Variants in UBE3D observed in about 807,000 individuals in gnomAD.
The protein encoded by UBE3D is E3 ubiquitin-protein ligase E3D.
UBE3D carries 48 observed loss-of-function variants against 49.6 expected under a neutral mutation model. That is an observed-to-expected ratio of 0.97 (90% CI 0.77 to 1.23). The LOEUF (loss-of-function observed/expected upper bound fraction) is 1.23, where lower values mean the gene tolerates loss of function less well. Among genes scored for constraint, UBE3D ranks in the 50% most tolerant of loss-of-function variants. UBE3D has a pLI of 0.00. For missense variants in UBE3D, 452 were observed against 468.4 expected (o/e 0.96, Z 0.32); for synonymous variants, 189 against 174.2 (o/e 1.08, Z -0.67).
At chr6:83,051,739 A>G (rs545626176) in intron 3 of UBE3D, among the ~76,000 whole-genome samples, 1 of 152,336 alleles carries the variant, frequency 6.6e-6, no homozygotes, top group African/African-American at 2.4e-5. Context: ...TTCAACCCTT[A>G]GGTAATTCAA....
At chr6:83,039,490 CAG>C (rs938655784) in intron 4 of UBE3D, among the ~76,000 whole-genome samples, 3 of 152,168 alleles carry the variant, frequency 2.0e-5, no homozygotes, top group African/African-American at 7.2e-5. Flanking sequence ...TAGATTCAGA[CAG>C]AGCTGATGTC....
chr6:83,010,543 T>C (rs756140667), intron 8 of UBE3D, among the ~76,000 whole-genome samples: 4 of 152,144 alleles, frequency 2.6e-5, no homozygotes, highest in Non-Finnish European at 4.4e-5. Flanking sequence ...GCAAATGTAT[T>C]AGTAAGGGTT....
At chr6:82,933,745 C>T (rs767108374) in intron 9 of UBE3D, among the ~76,000 whole-genome samples, 2 of 152,168 alleles carry the variant, frequency 1.3e-5, no homozygotes, top group African/African-American at 2.4e-5. Flanking sequence ...AAAGATTACA[C>T]TAAAAGTCTT....
chr6:82,979,818 C>T (rs1199551157), intron 8 of UBE3D, among the ~76,000 whole-genome samples: 1 of 152,096 alleles, frequency 6.6e-6, no homozygotes, highest in Non-Finnish European at 1.5e-5. Context: ...TTATTTAGCT[C>T]CCACTTGTAA....
intron 9 of UBE3D, among the ~76,000 whole-genome samples, chr6:82,917,255 C>T (rs1354245711): frequency 3.9e-5 from 6 of 152,110 alleles, no homozygotes; most frequent in Non-Finnish European, 8.8e-5. Flanking sequence ...GAAGGCAAGA[C>T]TAGCGCAAAT....
rs1449925912 is a variant in UBE3D, at chr6:83,065,814, G to A, written c.-96C>T. ...GGTTCCACGTGCGGACCAACCAGCG[G>A]CAGCCCCGCTGCGGCGCAGGCGCCT... On this transcript the variant is annotated 5_prime_UTR_variant, in exon 1 of 10. Transcript: ENST00000369747. 1.3e-5 allele frequency: 17 copies of A among 1,296,232 alleles called. No homozygotes were observed. In the Admixed American group the frequency reaches 2.2e-4, roughly 17 times the overall value. 80.3% of individuals were successfully genotyped at this position (1,296,232 alleles called of 1,614,324 possible).
chr6:82,925,004 A>G (rs1166359636), intron 9 of UBE3D: 1 of 152,488 alleles, frequency 6.6e-6, no homozygotes, highest in Non-Finnish European at 1.5e-5. Context: ...CTACAGATTG[A>G]TATTTCCCAA....
At chr6:82,992,034 T>C (rs1410322198) in intron 8 of UBE3D, among the ~76,000 whole-genome samples, 1 of 152,094 alleles carries the variant, frequency 6.6e-6, no homozygotes, top group African/African-American at 2.4e-5. Flanking sequence ...AGTTTAAAGT[T>C]TTTATTACAT....
At chr6:83,041,610 C>A (rs1332818556) in intron 4 of UBE3D, among the ~76,000 whole-genome samples, 1 of 152,078 alleles carries the variant, frequency 6.6e-6, no homozygotes, top group African/African-American at 2.4e-5. Context: ...CTTAATGAAT[C>A]CATATTGAAA....
At chr6:83,065,595 C>CTG (rs1207768570) in intron 1 of UBE3D, 47 bp downstream of exon 1, 1 of 1,587,702 alleles carries the variant, frequency 6.3e-7, no homozygotes, top group South Asian at 1.1e-5. Flanking sequence ...GACCCCCGGG[C>CTG]AGCAGTAAAG....
At chr6:82,882,514 A>G in the UBE3D span, among the ~76,000 whole-genome samples, 4 of 152,124 alleles carry the variant, frequency 2.6e-5, no homozygotes, top group African/African-American at 9.7e-5. Flanking sequence ...CCTTCCACCT[A>G]TGCTTTGTTT....
chr6:82,964,092 C>T (rs1042679925), intron 8 of UBE3D, among the ~76,000 whole-genome samples: 6 of 152,102 alleles, frequency 3.9e-5, no homozygotes, highest in Non-Finnish European at 8.8e-5. Context: ...GTCTAACAGA[C>T]CAAAATACAA....
intron 8 of UBE3D, among the ~76,000 whole-genome samples, chr6:82,985,794 T>C (rs1778444576): frequency 6.6e-6 from 1 of 152,214 alleles, no homozygotes; most frequent in Admixed American, 6.5e-5. Flanking sequence ...CTACATTTCC[T>C]CACTGTTTGA....
At chr6:83,009,131 T>A (rs1266047279) in intron 8 of UBE3D, among the ~76,000 whole-genome samples, 1 of 152,158 alleles carries the variant, frequency 6.6e-6, no homozygotes, top group East Asian at 1.9e-4. Flanking sequence ...AGGTAAAGAT[T>A]CTACATATAA....
chr6:82,941,243 G>A (rs968992403), intron 9 of UBE3D, among the ~76,000 whole-genome samples: 1 of 151,578 alleles, frequency 6.6e-6, no homozygotes, highest in Non-Finnish European at 1.5e-5. Flanking sequence ...TGTCAATACT[G>A]GTTACTCCCA....
chr6:83,044,467 C>T lies in UBE3D; in HGVS notation c.558G>A (p.Val186=). 1 of 1,614,108 alleles carries T rather than the reference C, an allele frequency of 6.2e-7. No homozygotes were observed. The highest frequency in any genetic ancestry group is 8.5e-7 in the Non-Finnish European group (1 of 1,179,984). ...LWQQRPELSP[V]EMCCVSSDNH... ...TGTCAGAAGAAACACAGCACATCTC[C>T]ACTGGGGATAGTTCAGGTCTTTGCT... is the stretch of plus-strand genomic sequence containing the variant. The change falls in exon 4 of 10, where the codon GTG becomes GTA. Residue 186 remains valine, a synonymous_variant. Coordinates refer to ENST00000369747, the MANE Select transcript of UBE3D (RefSeq NM_198920.3).
intron 9 of UBE3D, among the ~76,000 whole-genome samples, chr6:82,899,017 T>C (rs970954687): frequency 6.6e-6 from 1 of 151,734 alleles, no homozygotes; most frequent in Non-Finnish European, 1.5e-5. Flanking sequence ...AATCCTAAGG[T>C]GGAGTAAATT....
intron 3 of UBE3D, 117 bp from the exon 4 acceptor site, chr6:83,044,776 T>A: frequency 1.2e-6 from 1 of 817,300 alleles, no homozygotes; most frequent in African/African-American, 1.7e-5. Context: ...CAATGCTAAT[T>A]TTTTCCCCAA....
intron 9 of UBE3D, among the ~76,000 whole-genome samples, chr6:82,942,644 C>G (rs1446628571): frequency 6.6e-6 from 1 of 152,238 alleles, no homozygotes; most frequent in African/African-American, 2.4e-5. Context: ...TCAAAGGGTG[C>G]AAGCCCCAAG....
Sources: allele counts gnomAD v4.1 joint callset (sites outside exome capture counted in the v4.1 genomes callset), GRCh38; gene constraint gnomAD v4.1.1; transcripts MANE v1.5; gene names NCBI Gene and HGNC (gene_info 2026-07-23, HGNC 2026-07-21).